Variants in USPL1 observed in about 807,000 individuals in gnomAD.
USPL1 encodes SUMO-specific isopeptidase USPL1.
Under a neutral mutation model 51.5 loss-of-function variants are expected in USPL1, and 27 were observed. The ratio of observed to expected loss-of-function variants is 0.52; its 90% CI spans 0.39 to 0.72. USPL1 has a LOEUF of 0.72. Ranked by LOEUF, USPL1 falls within the 30% of genes least tolerant of loss-of-function variation. The pLI, the probability that USPL1 is intolerant of heterozygous loss-of-function variation, is 0.00. For synonymous variants in USPL1, 451 were observed against 459.6 expected (o/e 0.98, Z 0.24); for missense variants, 1,226 against 1,268.0 (o/e 0.97, Z 0.50).
chr13:30,640,030 G>T (rs1434941687), intron 5 of USPL1, among the ~76,000 whole-genome samples: 1 of 152,182 alleles, frequency 6.6e-6, no homozygotes, highest in East Asian at 1.9e-4. Context: ...TCTTTTCAGT[G>T]CAGGAGGATT....
chr13:30,625,348 C>T (rs991843446), intron 3 of USPL1, among the ~76,000 whole-genome samples: 7 of 151,340 alleles, frequency 4.6e-5, no homozygotes, highest in Admixed American at 2.6e-4. Context: ...AAGATCAGGA[C>T]TGTAAGAATA....
chr13:30,650,895 C>T (rs961033979), intron 7 of USPL1, among the ~76,000 whole-genome samples: 2 of 151,670 alleles, frequency 1.3e-5, no homozygotes, highest in African/African-American at 4.8e-5. Flanking sequence ...GAGGCTAAGG[C>T]AGGAGAATCG....
intron 5 of USPL1, among the ~76,000 whole-genome samples, chr13:30,641,396 G>C (rs1371122964): frequency 1.3e-5 from 2 of 152,184 alleles, no homozygotes; most frequent in African/African-American, 4.8e-5. Flanking sequence ...GGGATGGAAG[G>C]TGACTGTTCC....
intron 3 of USPL1, among the ~76,000 whole-genome samples, chr13:30,622,803 A>G (rs1330255429): frequency 1.3e-5 from 2 of 152,234 alleles, no homozygotes; most frequent in African/African-American, 4.8e-5. Context: ...AGACTAAATC[A>G]CATGGTTGTT....
chr13:30,652,199 G>C lies in USPL1; in HGVS notation c.1239-949G>C, dbSNP rs189880793. Among the ~76,000 whole-genome samples, 8 of 152,318 alleles carry C rather than the reference G, an allele frequency of 5.3e-5. No homozygotes were observed. The East Asian group carries it at 1.5e-3, about 29-fold the overall frequency. ...GATGAAATAGATATGATTTTTTAAA[G>C]TGGGAAAGTTTAGTGTTATAGACAG... On this transcript the variant is annotated intron_variant, in intron 7 of 8. Coordinates refer to ENST00000255304, the MANE Select transcript of USPL1 (RefSeq NM_005800.5).
chr13:30,629,081 GA>G (rs1242033245), intron 3 of USPL1, among the ~76,000 whole-genome samples: 1 of 152,172 alleles, frequency 6.6e-6, no homozygotes, highest in Non-Finnish European at 1.5e-5. Flanking sequence ...TTATACTAAA[GA>G]ATTTCATAGT....
Position 30,631,186 on chromosome 13 carries a change from T to G in USPL1, c.580T>G (p.Ser194Ala). ...AAAAGATCCTGCTACAGTTGATGTC[T>G]CTGGAACTGGCAGACCTTCCCCTCA... ...TTKDPATVDV[S>A]GTGRPSPQNE... The change falls in exon 4 of 9, where the codon TCT becomes GCT. Residue 194 changes from serine to alanine, a missense_variant. Coordinates refer to ENST00000255304, the MANE Select transcript of USPL1 (RefSeq NM_005800.5). 6.2e-7 allele frequency: 1 copy of G among 1,614,168 alleles called. No individual in the cohort carries two copies. Among genetic ancestry groups the G allele is most frequent in the South Asian group, 1.1e-5 (1 of 91,084 alleles).
rs1211604994 is a variant in USPL1 at position 30,658,318 on chromosome 13, G to A, written c.2241G>A (p.Leu747=). 1 of 1,613,994 alleles carries A rather than the reference G, an allele frequency of 6.2e-7. No homozygotes were observed. The highest frequency in any genetic ancestry group is 8.5e-7 in the Non-Finnish European group (1 of 1,180,016). ...CTAAGTCATTACAGAATCAGTCTCT[G>A]AAAGAAAATCAGAAGAAGCCATTTG... is the stretch of plus-strand genomic sequence containing the variant. ...TTSKSLQNQS[L]KENQKKPFVG... is the part of the protein sequence containing the mutation. The change falls in exon 9 of 9, where the codon CTG becomes CTA. Residue 747 remains leucine, a synonymous_variant. Transcript: ENST00000255304.
At chr13:30,642,137 G>A (rs1950956068) in intron 5 of USPL1, among the ~76,000 whole-genome samples, 2 of 151,910 alleles carry the variant, frequency 1.3e-5, no homozygotes, top group African/African-American at 2.4e-5. Flanking sequence ...GGTCTCAAAC[G>A]TTCATAGAAA....
chr13:30,628,618 T>A (rs761212716), intron 3 of USPL1, among the ~76,000 whole-genome samples: 11 of 152,228 alleles, frequency 7.2e-5, no homozygotes, highest in Non-Finnish European at 1.6e-4. Context: ...AGCTCCCACT[T>A]ACGAGTGAGA....
chr13:30,658,267 T>C lies in USPL1; in HGVS notation c.2190T>C (p.Thr730=), dbSNP rs1276596508. The C allele has an allele frequency of 1.2e-6, 2 of 1,613,288 alleles. No individual in the cohort carries two copies. The highest frequency in any genetic ancestry group is 2.2e-5 in the East Asian group (1 of 44,882). The change falls in exon 9 of 9, where the codon ACT becomes ACC. Residue 730 remains threonine (T), a synonymous_variant. Coordinates refer to ENST00000255304, the MANE Select transcript of USPL1 (RefSeq NM_005800.5). ...TATCTAATTTGAAGAAAAAAGAAACTACAGCAGATTCTCAAACCACAACAT... is the reference window on the plus strand; with the variant it reads ...TATCTAATTTGAAGAAAAAAGAAACCACAGCAGATTCTCAAACCACAACAT... ...SQVSNLKKKE[T]TADSQTTTSK...
At position 30,639,721 on chromosome 13, in the gene USPL1, G is replaced by A. The variant is rs143360828; in HGVS notation, c.982+1864G>A. ...ACCCCCAGCCACTGATCTGTTGAGC[G>A]AATACTCATTTCAAAGGAGCTTTTT... On this transcript the variant is annotated intron_variant, in intron 5 of 8. Coordinates refer to ENST00000255304, the MANE Select transcript of USPL1 (RefSeq NM_005800.5). 6.0e-3 allele frequency among the ~76,000 whole-genome samples: 913 copies of A among 152,208 alleles called. 6 individuals are homozygous for A. The highest frequency in any genetic ancestry group is 9.8e-3 in the Non-Finnish European group (664 of 68,008).
intron 3 of USPL1, among the ~76,000 whole-genome samples, chr13:30,627,392 T>G (rs1370316983): frequency 1.3e-5 from 2 of 152,122 alleles, no homozygotes; most frequent in Admixed American, 1.3e-4. Flanking sequence ...ACAAATTATA[T>G]TACAGATTGG....
In USPL1 at chr13:30,658,164, T is replaced by C. The variant is rs1951193384; in HGVS notation, c.2087T>C (p.Ile696Thr). The C allele has an allele frequency of 2.5e-6, 4 of 1,613,042 alleles. No homozygotes were observed. Among genetic ancestry groups the C allele is most frequent in the African/African-American group, 1.3e-5 (1 of 74,858 alleles). The change falls in exon 9 of 9, where the codon ATT becomes ACT. Residue 696 changes from isoleucine (I) to threonine (T), a missense_variant. By Grantham distance (89) the Ile-to-Thr change is moderately conservative. Transcript: ENST00000255304. ...ATACAGGGAGTGAAGTCAGTAGAAATTGAGAAGGACGCTCAGTTAAAACAA... is the reference window on the plus strand; with the variant it reads ...ATACAGGGAGTGAAGTCAGTAGAAACTGAGAAGGACGCTCAGTTAAAACAA... Reference protein sequence around the residue: ...GLIQGVKSVEIEKDAQLKQFL... With the variant: ...GLIQGVKSVETEKDAQLKQFL...
chr13:30,625,163 G>A (rs1049183083), intron 3 of USPL1, among the ~76,000 whole-genome samples: 9 of 152,298 alleles, frequency 5.9e-5, no homozygotes, highest in African/African-American at 2.2e-4. Context: ...TTGAGGCATG[G>A]TTGGAGTTTA....
chr13:30,639,596 A>G (rs1308814745), intron 5 of USPL1, among the ~76,000 whole-genome samples: 3 of 152,072 alleles, frequency 2.0e-5, no homozygotes, highest in Non-Finnish European at 4.4e-5. Flanking sequence ...GGTGTAATTT[A>G]CATATAGTAA....
Position 30,646,999 on chromosome 13 carries a change from T to G in USPL1, c.1180T>G (p.Phe394Val). 1 of 1,613,906 alleles carries G rather than the reference T, an allele frequency of 6.2e-7. No individual in the cohort carries two copies. Among genetic ancestry groups the G allele is most frequent in the Non-Finnish European group, 8.5e-7 (1 of 1,179,832 alleles). Residue 394 changes from phenylalanine (F) to valine (V), a missense_variant, in exon 7 of 9, where the codon TTT becomes GTT. Phe to Val is a conservative substitution (Grantham distance 50, BLOSUM62 -1). Coordinates refer to ENST00000255304, the MANE Select transcript of USPL1 (RefSeq NM_005800.5). ...GTGGCACCCACTTAATGCTGCCCAT[T>G]TTGGTCCATGTAACAATTGCAACAG... The part of the protein sequence containing the change: ...PEWHPLNAAH[F>V]GPCNNCNSKS...
Position 30,658,967 on chromosome 13 carries a change from A to G in USPL1, c.2890A>G (p.Ser964Gly), listed in dbSNP as rs778762791. ...CTTVPGVSLY[S>G]SQTHEEILAE... ...CACTGTTCCTGGTGTTTCCCTGTAC[A>G]GTAGTCAAACTCATGAAGAAATTTT... Residue 964 changes from serine (S) to glycine (G), a missense_variant, in exon 9 of 9, where the codon AGT (serine) becomes GGT (glycine). Physicochemically the swap from Ser to Gly is moderately conservative, Grantham distance 56 (BLOSUM62 0). Coordinates refer to ENST00000255304, the MANE Select transcript of USPL1 (RefSeq NM_005800.5). 10 of 1,614,130 alleles carry G rather than the reference A, an allele frequency of 6.2e-6. No individual in the cohort carries two copies. The African/African-American group carries it at 6.7e-5, about 11-fold the overall frequency.
At chr13:30,643,263 C>G (rs917187286) in intron 6 of USPL1, among the ~76,000 whole-genome samples, 3 of 152,094 alleles carry the variant, frequency 2.0e-5, no homozygotes, top group African/African-American at 7.2e-5. Context: ...ATTAGAAAGG[C>G]CATGATCGAT....
Sources: allele counts gnomAD v4.1 joint callset (sites outside exome capture counted in the v4.1 genomes callset), GRCh38; gene constraint gnomAD v4.1.1; transcripts MANE v1.5; gene names NCBI Gene and HGNC (gene_info 2026-07-23, HGNC 2026-07-21).